The following CYP7B1 variants were observed in gnomAD, a reference collection of about 807,000 sequenced individuals.
CYP7B1 encodes the protein cytochrome P450 7B1.
In CYP7B1, 29 loss-of-function variants were observed where a neutral mutation model predicts 42.7. That is an observed-to-expected ratio of 0.68 (90% CI 0.51 to 0.93). The LOEUF is 0.93. Ranked by LOEUF, CYP7B1 falls within the 40% of genes least tolerant of loss-of-function variation. The pLI, the probability that CYP7B1 is intolerant of heterozygous loss-of-function variation, is 0.00. For synonymous variants in CYP7B1, 235 were observed against 218.2 expected, an observed-to-expected ratio of 1.08 and a Z score of -0.68; for missense variants, 655 against 600.5, an observed-to-expected ratio of 1.09 and a Z score of -0.95.
In CYP7B1 at chr8:64,796,033, C is replaced by T. The variant is rs534138489; in HGVS notation, c.122+2433G>A. ...CTTTGGAACATCTGGCATTCCTATA[C>T]TATGCAATATTACAAACTTTTCAGC... On this transcript the variant is annotated intron_variant, in intron 1 of 5. Transcript: ENST00000310193. 5.9e-5 allele frequency among the ~76,000 whole-genome samples: 9 copies of T among 152,264 alleles called. No homozygotes were observed. The South Asian group carries it at 1.9e-3, about 32-fold the overall frequency.
chr8:64,594,618 A>G lies in CYP7B1; in HGVS notation c.*2024T>C, dbSNP rs1051433324. Among the ~76,000 whole-genome samples the G allele has an allele frequency of 3.9e-5, 6 of 152,222 alleles. No homozygotes were observed. The highest frequency in any genetic ancestry group is 8.8e-5 in the Non-Finnish European group (6 of 68,044). On this transcript the variant is annotated 3_prime_UTR_variant, in exon 6 of 6. Transcript: ENST00000310193. ...TTAGAACCAATTATAATTGTGTATC[A>G]TGAACTAAAGAGTGTAAGGAGAGTG...
rs76302248 is a variant in CYP7B1, at chr8:64,717,261, T to A, written c.122+81205A>T. The stretch of plus-strand genomic sequence containing the variant: ...TGCAGGTTAGTTACATTCTATTTTT[T>A]AACTGCAGAGGGAAGGGAGATAAAA... On this transcript the variant is annotated intron_variant, in intron 1 of 5. Transcript: ENST00000310193. Among the ~76,000 whole-genome samples, 1,398 of 152,322 alleles carry A rather than the reference T, an allele frequency of 9.2e-3. 18 individuals carry two copies. The highest frequency in any genetic ancestry group is 0.032 in the African/African-American group (1,326 of 41,570).
intron 1 of CYP7B1, among the ~76,000 whole-genome samples, chr8:64,681,848 T>A (rs879891450): frequency 6.6e-6 from 1 of 152,188 alleles, no homozygotes; most frequent in Admixed American, 6.5e-5. Flanking sequence ...TATGAGATAA[T>A]AAATGTTTGT....
intron 1 of CYP7B1, among the ~76,000 whole-genome samples, chr8:64,686,061 AG>A (rs991206347): frequency 1.7e-5 from 2 of 119,708 alleles, no homozygotes; most frequent in Non-Finnish European, 1.8e-5. Flanking sequence ...GGGGGGGGTC[AG>A]CCCCCCCACC....
rs753251722 is a variant in CYP7B1 at position 64,594,325 on chromosome 8, G to C, written c.*2317C>G. ...ATTATGGATTGCTGTGCAGCAGTTA[G>C]AAGCAATAGATTAAATATAGTAGTA... On this transcript the variant is annotated 3_prime_UTR_variant, in exon 6 of 6. Transcript: ENST00000310193. Among the ~76,000 whole-genome samples, 27 of 152,220 alleles carry C rather than the reference G, an allele frequency of 1.8e-4. No homozygotes were observed. Among genetic ancestry groups the C allele is most frequent in the Non-Finnish European group, 3.7e-4 (25 of 68,020 alleles).
At position 64,592,893 on chromosome 8, in the gene CYP7B1, T is replaced by C. The variant is rs1407767893; in HGVS notation, c.*3749A>G. Among the ~76,000 whole-genome samples the C allele has an allele frequency of 6.6e-6, 1 of 152,236 alleles. No homozygotes were observed. Among genetic ancestry groups the C allele is most frequent in the Non-Finnish European group, 1.5e-5 (1 of 68,032 alleles). On this transcript the variant is annotated 3_prime_UTR_variant, in exon 6 of 6. Coordinates refer to ENST00000310193, the MANE Select transcript of CYP7B1 (RefSeq NM_004820.5). ...ATTTGTCCAGGACATGTTTTTCTAT[T>C]TGTAAATACTATTTAGTTACTGGAT...
chr8:64,691,485 G>GA (rs1563393152), intron 1 of CYP7B1, among the ~76,000 whole-genome samples: 2 of 149,260 alleles, frequency 1.3e-5, no homozygotes, highest in Non-Finnish European at 3.0e-5. Context: ...TGGCAACTGG[G>GA]GGGGGGGGGT....
At chr8:64,626,158 A>C (rs1175520852) in intron 1 of CYP7B1, among the ~76,000 whole-genome samples, 1 of 152,170 alleles carries the variant, frequency 6.6e-6, no homozygotes, top group Non-Finnish European at 1.5e-5. Context: ...AAAGTCATGA[A>C]ACTATGTAAG....
chr8:64,789,587 G>A (rs2129717138), intron 1 of CYP7B1, among the ~76,000 whole-genome samples: 1 of 152,294 alleles, frequency 6.6e-6, no homozygotes, highest in South Asian at 2.1e-4. Flanking sequence ...TCACCCAGAG[G>A]ATATTTGACA....
intron 1 of CYP7B1, among the ~76,000 whole-genome samples, chr8:64,712,238 A>T (rs1055082729): frequency 6.6e-6 from 1 of 151,974 alleles, no homozygotes. Context: ...CAAAAATAGC[A>T]CCTTCACAGA....
rs1805427605 is a variant in CYP7B1, at chr8:64,615,684, T to C, written c.850+7A>G. 3.7e-6 allele frequency: 6 copies of C among 1,612,288 alleles called. No individual in the cohort carries two copies. The East Asian group carries it at 1.3e-4, about 36-fold the overall frequency. ...TTTTAGGCAAGTGCTCATTCAGAAG[T>C]TCTTACCTCCTATTTCAAGGTCCTC... On this transcript the variant is annotated splice_region_variant and intron_variant, in intron 3 of 5. Transcript: ENST00000310193.
At chr8:64,779,927 T>C (rs1804392180) in intron 1 of CYP7B1, among the ~76,000 whole-genome samples, 1 of 152,124 alleles carries the variant, frequency 6.6e-6, no homozygotes, top group Non-Finnish European at 1.5e-5. Flanking sequence ...TACCTAAACA[T>C]GAAAGTCCAG....
rs764441029 is a variant in CYP7B1, at chr8:64,615,135, T to C, written c.948A>G (p.Ala316=). 6.2e-7 allele frequency: 1 copy of C among 1,613,732 alleles called. No individual in the cohort carries two copies. Among genetic ancestry groups the C allele is most frequent in the Non-Finnish European group, 8.5e-7 (1 of 1,179,810 alleles). The change falls in exon 4 of 6, where the codon GCA becomes GCG. Residue 316 remains alanine, a synonymous_variant. Transcript: ENST00000310193. ...YYLLRHPEAM[A]AVRDEIDRLL... Reference sequence around the variant, plus strand: ...AACGGTCAATTTCGTCACGCACTGCTGCCATAGCTTCTGGGTGCCGCAGAA... The same window carrying C: ...AACGGTCAATTTCGTCACGCACTGCCGCCATAGCTTCTGGGTGCCGCAGAA...
intron 1 of CYP7B1, among the ~76,000 whole-genome samples, chr8:64,632,040 A>G (rs75670054): frequency 0.066 from 9,996 of 152,220 alleles, 401 homozygotes; most frequent in South Asian, 0.16. Context: ...TAGAATTACC[A>G]TATGATCTAG....
chr8:64,717,519 A>T (rs937002364), intron 1 of CYP7B1, among the ~76,000 whole-genome samples: 1 of 152,226 alleles, frequency 6.6e-6, no homozygotes, highest in Non-Finnish European at 1.5e-5. Context: ...ATTTGGAGCC[A>T]TAACAGCCCA....
At chr8:64,749,603 C>T (rs990516804) in intron 1 of CYP7B1, among the ~76,000 whole-genome samples, 8 of 152,100 alleles carry the variant, frequency 5.3e-5, no homozygotes, top group African/African-American at 1.7e-4. Context: ...CTCTGGGAAA[C>T]GGGATAGGAC....
At chr8:64,692,066 G>C (rs1806754413) in intron 1 of CYP7B1, among the ~76,000 whole-genome samples, 1 of 152,176 alleles carries the variant, frequency 6.6e-6, no homozygotes. Flanking sequence ...AAGTGGAAAG[G>C]ATCACAGAAA....
At chr8:64,649,903 G>T (rs1478052698) in intron 1 of CYP7B1, among the ~76,000 whole-genome samples, 1 of 151,786 alleles carries the variant, frequency 6.6e-6, no homozygotes, top group Non-Finnish European at 1.5e-5. Flanking sequence ...TTTTTAATTG[G>T]GTTATTTATA....
Position 64,592,795 on chromosome 8 carries a change from T to C in CYP7B1, c.*3847A>G, listed in dbSNP as rs571622625. ...TTATTTTATTTTTCAAATGAGGACGTTGAAGCTCTGAGACGGAAATTGTTT... is the reference window on the plus strand; with the variant it reads ...TTATTTTATTTTTCAAATGAGGACGCTGAAGCTCTGAGACGGAAATTGTTT... On this transcript the variant is annotated 3_prime_UTR_variant, in exon 6 of 6. Coordinates refer to ENST00000310193, the MANE Select transcript of CYP7B1 (RefSeq NM_004820.5). Among the ~76,000 whole-genome samples the C allele has an allele frequency of 1.3e-5, 2 of 152,236 alleles. No homozygotes were observed. The highest frequency in any genetic ancestry group is 2.9e-5 in the Non-Finnish European group (2 of 68,034).
Sources: allele counts gnomAD v4.1 joint callset (sites outside exome capture counted in the v4.1 genomes callset), GRCh38; gene constraint gnomAD v4.1.1; transcripts MANE v1.5; gene names NCBI Gene and HGNC (gene_info 2026-07-23, HGNC 2026-07-21).